The following LTAP1 variants were observed in gnomAD, a reference collection of about 807,000 sequenced individuals.
LTAP1 encodes lipid transport auxiliary protein 1.
chr1:154,220,394 C>G, the LTAP1 span: 1 of 1,614,136 alleles, frequency 6.2e-7, no homozygotes, highest in Admixed American at 1.7e-5. Context: ...GAGCCAGTTA[C>G]TGCCGGACGC....
chr1:154,212,691 C>T, the LTAP1 span: 39 of 1,569,682 alleles, frequency 2.5e-5, no homozygotes, highest in Middle Eastern at 4.5e-4. Flanking sequence ...GATGGAGTCT[C>T]GCTCTGTCAC....
chr1:154,211,324 C>CT, the LTAP1 span, among the ~76,000 whole-genome samples: 2,680 of 34,108 alleles, frequency 0.079, 586 homozygotes, highest in East Asian at 0.13. Context: ...TTATTTAATT[C>CT]TTTTTTTTTT....
At chr1:154,219,418 T>C in the LTAP1 span, among the ~76,000 whole-genome samples, 1 of 152,166 alleles carries the variant, frequency 6.6e-6, no homozygotes, top group African/African-American at 2.4e-5. Flanking sequence ...ACATGAATGG[T>C]GGAATTAGAT....
the LTAP1 span, among the ~76,000 whole-genome samples, chr1:154,209,697 C>T: frequency 5.3e-5 from 8 of 152,058 alleles, no homozygotes; most frequent in African/African-American, 9.7e-5. Flanking sequence ...TGCCATTCTC[C>T]TGCCCCAGCC....
chr1:154,219,665 CAGGT>C, the LTAP1 span, among the ~76,000 whole-genome samples: 1 of 152,320 alleles, frequency 6.6e-6, no homozygotes, highest in Admixed American at 6.5e-5. Context: ...CAGCACTGAG[CAGGT>C]AAGCCAAGTT....
At chr1:154,218,651 C>T in the LTAP1 span, among the ~76,000 whole-genome samples, 94 of 152,306 alleles carry the variant, frequency 6.2e-4, 1 homozygote, top group African/African-American at 2.2e-3. Context: ...TTACAGAGTA[C>T]CTGCTATGTG....
the LTAP1 span, chr1:154,219,766 C>T: frequency 1.8e-6 from 2 of 1,125,666 alleles, no homozygotes; most frequent in Non-Finnish European, 2.6e-6. Flanking sequence ...TCACTAAAGG[C>T]AGAGGAAATC....
the LTAP1 span, among the ~76,000 whole-genome samples, chr1:154,217,238 C>T: frequency 5.3e-5 from 8 of 152,098 alleles, no homozygotes; most frequent in South Asian, 2.1e-4. Context: ...CGTTAGCCAC[C>T]GCACCCAGCA....
At chr1:154,220,166 G>C in the LTAP1 span, 2 of 840,218 alleles carry the variant, frequency 2.4e-6, no homozygotes, top group Non-Finnish European at 3.9e-6. Flanking sequence ...CTAGACTAAC[G>C]AGGGCGGGTC....
At chr1:154,220,249 G>A in the LTAP1 span, 6 of 1,451,822 alleles carry the variant, frequency 4.1e-6, no homozygotes, top group Admixed American at 1.0e-4. Context: ...GCGCAGGTGA[G>A]TGGGTGGAGA....
chr1:154,210,329 G>A, the LTAP1 span, among the ~76,000 whole-genome samples: 1 of 152,204 alleles, frequency 6.6e-6, no homozygotes, highest in Non-Finnish European at 1.5e-5. Context: ...GTGAGCCACT[G>A]CTCCAGGCCT....
At chr1:154,210,993 A>AT in the LTAP1 span, among the ~76,000 whole-genome samples, 1 of 151,872 alleles carries the variant, frequency 6.6e-6, no homozygotes, top group South Asian at 2.1e-4. Flanking sequence ...GTAAAAATAG[A>AT]TTTTTTTAAT....
chr1:154,212,401 T>C, the LTAP1 span: 2 of 1,613,866 alleles, frequency 1.2e-6, no homozygotes, highest in Non-Finnish European at 1.7e-6. Flanking sequence ...AAAGGAAGAG[T>C]GAGGATCTCT....
At chr1:154,209,120 A>G in the LTAP1 span, among the ~76,000 whole-genome samples, 1 of 152,158 alleles carries the variant, frequency 6.6e-6, no homozygotes, top group African/African-American at 2.4e-5. Flanking sequence ...AGAATTTTTA[A>G]ATGTATGGTT....
At chr1:154,207,084 C>T in the LTAP1 span, 1 of 206,594 alleles carries the variant, frequency 4.8e-6, no homozygotes, top group Non-Finnish European at 9.8e-6. Context: ...ATATGGAAGA[C>T]ATCTCACTCC....
chr1:154,214,719 G>A, the LTAP1 span: 7 of 593,088 alleles, frequency 1.2e-5, no homozygotes, highest in Admixed American at 1.1e-4. Flanking sequence ...CAGATAAGAG[G>A]TAAGAATTTA....
At chr1:154,220,072 G>T in the LTAP1 span, 1 of 849,186 alleles carries the variant, frequency 1.2e-6, no homozygotes, top group East Asian at 2.6e-5. Context: ...TTGGGGCAAA[G>T]CAAGGCCGTT....
the LTAP1 span, chr1:154,220,508 C>T: frequency 3.7e-6 from 5 of 1,351,832 alleles, no homozygotes; most frequent in Non-Finnish European, 5.3e-6. Context: ...CCCTGGAGCT[C>T]CCCGGCCATT....
At chr1:154,220,465 C>G in the LTAP1 span, 1 of 1,605,080 alleles carries the variant, frequency 6.2e-7, no homozygotes, top group Non-Finnish European at 8.5e-7. Flanking sequence ...GGCTGGTCAG[C>G]CCAGGCTCCG....
Sources: allele counts gnomAD v4.1 joint callset (sites outside exome capture counted in the v4.1 genomes callset), GRCh38; gene constraint gnomAD v4.1.1; transcripts MANE v1.5; gene names NCBI Gene and HGNC (gene_info 2026-07-23, HGNC 2026-07-21).